TENM4: variants seen among roughly 807,000 people sequenced by gnomAD.
TENM4 encodes the protein teneurin-4.
A neutral mutation model predicts 243.3 loss-of-function variants in TENM4; 82 were observed. That is an observed-to-expected ratio of 0.34 (90% confidence interval 0.28 to 0.40). The LOEUF (loss-of-function observed/expected upper bound fraction) is 0.40, where lower values mean the gene tolerates loss of function less well. Ranked by LOEUF, TENM4 falls within the 10% of genes least tolerant of loss-of-function variation. The pLI is 1.00. For synonymous variants in TENM4, 1,412 were observed against 1,456.3 expected (o/e 0.97, Z 0.69); for missense variants, 3,138 against 3,673.3 (o/e 0.85, Z 3.77).
chr11:78,968,189 C>T (rs970742780), intron 6 of TENM4, among the ~76,000 whole-genome samples: 3 of 152,240 alleles, frequency 2.0e-5, no homozygotes, highest in African/African-American at 7.2e-5. Context: ...CTCCCTTTGC[C>T]TTCTGCGATA....
Position 78,854,199 on chromosome 11 carries a change from C to A in TENM4, c.1586G>T (p.Gly529Val), listed in dbSNP as rs760735543. 77 of 1,551,542 alleles carry A rather than the reference C, an allele frequency of 5.0e-5. No individual in the cohort carries two copies. The highest frequency in any genetic ancestry group is 6.4e-5 in the Non-Finnish European group (73 of 1,146,978). Residue 529 changes from glycine to valine, a missense_variant, in exon 12 of 34, where the codon GGC becomes GTC. Physicochemically the swap from Gly to Val is moderately radical, Grantham distance 109. This residue lies in a region of TENM4 where 2,467 missense variants were observed against 3,059.1 expected (regional missense o/e 0.81). Transcript: ENST00000278550. ...TCCTGAATCCAAATACTGGATGAAG[C>A]CTGTCTCATGGCTGGAGGGGGGCAC... ...GTVPPSSHET[G>V]FIQYLDSGIW... is the part of the protein sequence containing the mutation.
intron 33 of TENM4, among the ~76,000 whole-genome samples, chr11:78,660,904 T>C (rs1232726682): frequency 6.6e-6 from 1 of 152,192 alleles, no homozygotes; most frequent in Non-Finnish European, 1.5e-5. Flanking sequence ...GTGAGTCTTT[T>C]TGAGCACCTA....
Position 78,701,873 on chromosome 11 carries a change from T to C in TENM4, c.4740A>G (p.Ser1580=), listed in dbSNP as rs1242860477. Residue 1580 remains serine, a synonymous_variant, in exon 28 of 34, where the codon TCA becomes TCG. Transcript: ENST00000278550. ...LNTQNMYELS[S]PIDQELYLFD... is the part of the protein sequence containing the mutation. Reference sequence around the variant, plus strand: ...ACAGATAGAGCTCCTGGTCAATTGGTGAAGACAGCTCATACATGTTCTGGG... The same window carrying C: ...ACAGATAGAGCTCCTGGTCAATTGGCGAAGACAGCTCATACATGTTCTGGG... 5.6e-6 allele frequency: 9 copies of C among 1,613,912 alleles called. No individual in the cohort carries two copies. The highest frequency in any genetic ancestry group is 5.3e-5 in the African/African-American group (4 of 74,918).
At chr11:79,320,674 A>T (rs1208638073) in intron 1 of TENM4, among the ~76,000 whole-genome samples, 4 of 152,200 alleles carry the variant, frequency 2.6e-5, no homozygotes, top group African/African-American at 9.7e-5. Flanking sequence ...CTGTCTACAT[A>T]AAAGGGGAAA....
At chr11:79,075,510 C>T (rs1281104742) in intron 4 of TENM4, among the ~76,000 whole-genome samples, 2 of 152,204 alleles carry the variant, frequency 1.3e-5, no homozygotes, top group Admixed American at 1.3e-4. Flanking sequence ...ACTGTCAATG[C>T]CATCATCATT....
chr11:78,736,229 G>A (rs1204645455), intron 20 of TENM4, among the ~76,000 whole-genome samples: 1 of 152,122 alleles, frequency 6.6e-6, no homozygotes, highest in Non-Finnish European at 1.5e-5. Context: ...TTACGCCGTG[G>A]CCTCCCAAAG....
intron 2 of TENM4, among the ~76,000 whole-genome samples, chr11:79,275,430 A>G (rs1453318098): frequency 6.6e-6 from 1 of 152,254 alleles, no homozygotes; most frequent in Non-Finnish European, 1.5e-5. Flanking sequence ...TTTCTGTGCC[A>G]GCCCAGAAAT....
intron 25 of TENM4, among the ~76,000 whole-genome samples, chr11:78,717,528 T>A (rs1371078735): frequency 6.6e-6 from 1 of 152,186 alleles, no homozygotes; most frequent in Non-Finnish European, 1.5e-5. Flanking sequence ...ATAGCCTCAG[T>A]TTTCTGAAGC....
chr11:79,223,459 C>T (rs1864202909), intron 2 of TENM4, among the ~76,000 whole-genome samples: 1 of 152,110 alleles, frequency 6.6e-6, no homozygotes, highest in Admixed American at 6.6e-5. Context: ...TGGAGTTGTC[C>T]CAGACCTCTG....
chr11:79,080,762 G>A (rs1306537038), intron 4 of TENM4, among the ~76,000 whole-genome samples: 2 of 152,112 alleles, frequency 1.3e-5, no homozygotes, highest in Admixed American at 6.5e-5. Context: ...CAGGCCCCAG[G>A]GAAAAATACT....
intron 3 of TENM4, among the ~76,000 whole-genome samples, chr11:79,172,538 C>T (rs1432757838): frequency 3.3e-5 from 5 of 152,232 alleles, no homozygotes; most frequent in Non-Finnish European, 7.3e-5. Context: ...ATCCTGCTAA[C>T]CCTATCTGCA....
At chr11:78,790,451 T>G (rs1319513662) in intron 15 of TENM4, among the ~76,000 whole-genome samples, 1 of 152,206 alleles carries the variant, frequency 6.6e-6, no homozygotes, top group Non-Finnish European at 1.5e-5. Context: ...GGAAAGCCAT[T>G]TTTTATTTAA....
intron 29 of TENM4, among the ~76,000 whole-genome samples, chr11:78,677,125 C>A (rs1312692349): frequency 6.6e-6 from 1 of 152,042 alleles, no homozygotes; most frequent in Non-Finnish European, 1.5e-5. Flanking sequence ...AAGAGTAAAT[C>A]TTATGCTATG....
At chr11:79,139,846 A>G (rs1353967636) in intron 4 of TENM4, among the ~76,000 whole-genome samples, 1 of 113,602 alleles carries the variant, frequency 8.8e-6, no homozygotes, top group Non-Finnish European at 1.7e-5. Flanking sequence ...AGATTATGTA[A>G]TATATATGTA....
At chr11:79,229,445 G>A (rs985327466) in intron 2 of TENM4, among the ~76,000 whole-genome samples, 2 of 152,090 alleles carry the variant, frequency 1.3e-5, no homozygotes, top group Non-Finnish European at 2.9e-5. Context: ...TACTTTTGCT[G>A]TTTCTTCTGC....
intron 19 of TENM4, among the ~76,000 whole-genome samples, chr11:78,751,533 T>TG (rs1856191139): frequency 1.3e-5 from 2 of 152,178 alleles, no homozygotes; most frequent in Non-Finnish European, 2.9e-5. Flanking sequence ...CCTCTCTGGG[T>TG]GGTTGTAATA....
intron 6 of TENM4, among the ~76,000 whole-genome samples, chr11:78,920,536 G>C (rs965439529): frequency 1.3e-5 from 2 of 152,072 alleles, no homozygotes; most frequent in Non-Finnish European, 2.9e-5. Context: ...TCACGGTCTC[G>C]TCCTCTCGCT....
intron 6 of TENM4, among the ~76,000 whole-genome samples, chr11:79,061,063 G>A (rs149834869): frequency 4.6e-5 from 7 of 152,284 alleles, no homozygotes; most frequent in South Asian, 2.1e-4. Context: ...CAAGACTTTT[G>A]TCATAGAGCC....
At chr11:79,365,508 C>A (rs1857661339) in intron 1 of TENM4, among the ~76,000 whole-genome samples, 1 of 152,210 alleles carries the variant, frequency 6.6e-6, no homozygotes, top group Non-Finnish European at 1.5e-5. Flanking sequence ...AAGAGGCTGA[C>A]CCCTGCTGCC....
Sources: gnomAD v4.1 joint callset for allele counts (sites outside exome capture counted in the v4.1 genomes callset) on GRCh38, gnomAD v4.1.1 for gene constraint, gnomAD v4.1.1 regional missense constraint, MANE v1.5 for transcripts, NCBI Gene and HGNC (gene_info 2026-07-23, HGNC 2026-07-21) for gene names.